BRMS1: variants seen among roughly 807,000 people sequenced by gnomAD.
BRMS1 encodes the protein breast cancer metastasis-suppressor 1.
In BRMS1, 26 loss-of-function variants were observed where a neutral mutation model predicts 40.4. The observed-to-expected ratio is 0.64, with a 90% CI of 0.47 to 0.89. The LOEUF (loss-of-function observed/expected upper bound fraction) is 0.89, where lower values mean the gene tolerates loss of function less well. Ranked by LOEUF, BRMS1 falls within the 40% of genes least tolerant of loss-of-function variation. BRMS1 has a pLI of 0.00. For missense variants in BRMS1, 289 were observed against 309.4 expected, an observed-to-expected ratio of 0.93 and a Z score of 0.49; for synonymous variants, 103 against 116.0, an observed-to-expected ratio of 0.89 and a Z score of 0.72.
Position 66,341,700 on chromosome 11 carries a change from T to C in BRMS1, c.140-77A>G, listed in dbSNP as rs1855081577. ...CGCATGTGTGCATGTGCGTCCTGCA[T>C]GTGTGTGTGTGCATGCATGCCTGTG... is the stretch of plus-strand genomic sequence containing the variant. On this transcript the variant is annotated intron_variant, in intron 2 of 9. Transcript: ENST00000359957. The surrounding 1 kb of genome is among the most constrained non-coding windows in gnomAD (Gnocchi z 4.9). 7 of 1,160,492 alleles carry C rather than the reference T, an allele frequency of 6.0e-6. No homozygotes were observed. The highest frequency in any genetic ancestry group is 1.5e-5 in the African/African-American group (1 of 66,430). 71.9% of individuals were successfully genotyped at this position (1,160,492 alleles called of 1,614,324 possible). A position where few individuals can be genotyped will look rare whatever the true frequency, so the allele number is the denominator to read the frequency against.
intron 1 of BRMS1, chr11:66,344,645 G>A (rs954325180): frequency 6.6e-6 from 1 of 152,264 alleles, no homozygotes; most frequent in Non-Finnish European, 1.5e-5. Flanking sequence ...GAGCTCACAG[G>A]TGGTAAGGGA....
In BRMS1 at chr11:66,338,781, T is replaced by C. The variant is rs768271926; in HGVS notation, c.633A>G (p.Pro211=). ...KRKKAPLVSG[P]YIVYMLQEID... is the part of the protein sequence containing the mutation. ...TCTCTTGAAGCATGTACACGATGTA[T>C]GGGCCTGTGGTGGGGGTCAAGGAAG... Residue 211 remains proline, a synonymous_variant, in exon 8 of 10, where the codon CCA becomes CCG. Coordinates refer to ENST00000359957, the MANE Select transcript of BRMS1 (RefSeq NM_015399.4). The C allele has an allele frequency of 3.2e-6, 5 of 1,540,768 alleles. No homozygotes were observed. The highest frequency in any genetic ancestry group is 2.0e-5 in the Admixed American group (1 of 49,998).
intron 6 of BRMS1, 130 bp from the exon 7 acceptor site, chr11:66,340,343 T>C: frequency 1.4e-6 from 1 of 727,266 alleles, no homozygotes; most frequent in Non-Finnish European, 2.3e-6. Flanking sequence ...GGGCTTGGGG[T>C]AGAAGCCCCT....
At chr11:66,340,279 C>T in intron 6 of BRMS1, 66 bp from the exon 7 acceptor site, 2 of 1,423,006 alleles carry the variant, frequency 1.4e-6, no homozygotes, top group Non-Finnish European at 2.0e-6. Flanking sequence ...TCTGTAGCCT[C>T]TGCCTCCACC....
In BRMS1 at chr11:66,341,912, CG is replaced by C; in HGVS notation, c.139+183del. On this transcript the variant is annotated intron_variant, in intron 2 of 9. Coordinates refer to ENST00000359957, the MANE Select transcript of BRMS1 (RefSeq NM_015399.4). This position sits in a 1 kb window ranked among gnomAD's most constrained non-coding sequence, Gnocchi z 4.9. ...TGCTTGTGTGTAGGGGCTGTGTGTG[CG>C]TGCTTGTGTGTAGGGGCTGTGTGTG... The C allele has an allele frequency of 1.5e-6, 1 of 676,074 alleles. No individual in the cohort carries two copies. The highest frequency in any genetic ancestry group is 2.5e-6 in the Non-Finnish European group (1 of 400,328). The allele number at this position is 676,074 out of a possible 1,614,324, so 41.9% of individuals were successfully genotyped here. A position where few individuals can be genotyped will look rare whatever the true frequency, so the allele number is the denominator to read the frequency against.
chr11:66,338,873 G>A (rs917662995), intron 7 of BRMS1, 88 bp from the exon 8 acceptor site: 18 of 1,331,276 alleles, frequency 1.4e-5, no homozygotes, highest in South Asian at 4.3e-5. Context: ...GGGGTACAGC[G>A]GACAGCATGG....
At chr11:66,340,702 C>A in intron 6 of BRMS1, 72 bp downstream of exon 6, 1 of 1,334,258 alleles carries the variant, frequency 7.5e-7, no homozygotes, top group East Asian at 2.5e-5. Flanking sequence ...TTCAGGACAT[C>A]TGAAGCCCAA....
At chr11:66,339,981 G>C (rs1855028179) in intron 7 of BRMS1, 140 bp downstream of exon 7, 1 of 648,332 alleles carries the variant, frequency 1.5e-6, no homozygotes, top group Middle Eastern at 2.5e-4. Context: ...GGATTTGCCT[G>C]GACATATTCA....
chr11:66,338,562 G>C (rs987222178), intron 8 of BRMS1, 159 bp downstream of exon 8: 1 of 1,544,210 alleles, frequency 6.5e-7, no homozygotes, highest in African/African-American at 1.4e-5. Flanking sequence ...GCCGCCTTGA[G>C]CAAGAGGACT....
intron 6 of BRMS1, 38 bp downstream of exon 6, chr11:66,340,736 G>T: frequency 6.4e-7 from 1 of 1,552,002 alleles, no homozygotes; most frequent in East Asian, 2.3e-5. Flanking sequence ...TGGACTGAGC[G>T]GGGCCCAGTT....
In BRMS1 at chr11:66,337,896, A is replaced by T. The variant is rs1373042591; in HGVS notation, c.734-7T>A. 1.2e-6 allele frequency: 2 copies of T among 1,603,046 alleles called. No individual in the cohort carries two copies. The highest frequency in any genetic ancestry group is 1.7e-6 in the Non-Finnish European group (2 of 1,173,314). On this transcript the variant is annotated splice_region_variant and splice_polypyrimidine_tract_variant and intron_variant, in intron 9 of 9. Coordinates refer to ENST00000359957, the MANE Select transcript of BRMS1 (RefSeq NM_015399.4). Reference sequence around the variant, plus strand: ...GAACAGCAGGGTCAAGGTCCTGTGCATATGTGGGAAGAAGAAAACTGTCAC... The same window carrying T: ...GAACAGCAGGGTCAAGGTCCTGTGCTTATGTGGGAAGAAGAAAACTGTCAC...
At chr11:66,343,198 G>A (rs1034526981) in intron 1 of BRMS1, among the ~76,000 whole-genome samples, 9 of 152,170 alleles carry the variant, frequency 5.9e-5, no homozygotes, top group African/African-American at 9.7e-5. Context: ...CCACTTGTTC[G>A]ATGTCCTCAA....
In BRMS1 at chr11:66,340,173, C is replaced by T. The variant is rs752604361; in HGVS notation, c.576G>A (p.Arg192=). 6.2e-7 allele frequency: 1 copy of T among 1,613,720 alleles called. No homozygotes were observed. Among genetic ancestry groups the T allele is most frequent in the African/African-American group, 1.3e-5 (1 of 74,922 alleles). Residue 192 remains arginine, a synonymous_variant, in exon 7 of 10, where the codon AGG becomes AGA. Coordinates refer to ENST00000359957, the MANE Select transcript of BRMS1 (RefSeq NM_015399.4). ...TGCTGGGCGGCAGGGAGTCCCAAGA[C>T]CTGGAGCTGCCTCTGGCGTGCAGTT... is the stretch of plus-strand genomic sequence containing the variant. ...DDKLHARGSS[R]SWDSLPPSKR...
chr11:66,338,690 G>T, intron 8 of BRMS1, 31 bp downstream of exon 8: 1 of 1,613,288 alleles, frequency 6.2e-7, no homozygotes, highest in Non-Finnish European at 8.5e-7. Context: ...CCTGAGGTGG[G>T]GCAGGTCACG....
At position 66,340,870 on chromosome 11, in the gene BRMS1, T is replaced by C. The variant is rs1287724284; in HGVS notation, c.439A>G (p.Ser147Gly). ...ELQGAKQHLE[S>G]EKLLLYDTLQ... ...GTGTCATAGAGCAGCAGCTTCTCACTCTGGAAGAGGGGGCAATAGCTCAGC... is the reference window on the plus strand; with the variant it reads ...GTGTCATAGAGCAGCAGCTTCTCACCCTGGAAGAGGGGGCAATAGCTCAGC... The change falls in exon 6 of 10, where the codon AGT becomes GGT. Residue 147 changes from serine (S) to glycine (G), a missense_variant and splice_region_variant. By Grantham distance (56) the Ser-to-Gly change is moderately conservative. Transcript: ENST00000359957. The C allele has an allele frequency of 6.2e-7, 1 of 1,613,962 alleles. No homozygotes were observed. Among genetic ancestry groups the C allele is most frequent in the Non-Finnish European group, 8.5e-7 (1 of 1,179,958 alleles).
At chr11:66,338,808 C>T in intron 7 of BRMS1, 23 bp from the exon 8 acceptor site, 1 of 1,520,598 alleles carries the variant, frequency 6.6e-7, no homozygotes, top group Non-Finnish European at 8.8e-7. Context: ...TCAAGGAAGC[C>T]TAGTGGAGGT....
chr11:66,340,993 G>A lies in BRMS1; in HGVS notation c.412C>T (p.Leu138=). ...DVIRNKYECE[L]QGAKQHLESE... is the part of the protein sequence containing the mutation. ...TCCAGGTGCTGTTTGGCTCCCTGCA[G>A]CTCACATTCGTACTTATTCCTGATC... Residue 138 remains leucine (L), a synonymous_variant, in exon 5 of 10, where the codon CTG becomes TTG. Transcript: ENST00000359957. 6.2e-7 allele frequency: 1 copy of A among 1,614,150 alleles called. No individual in the cohort carries two copies. The highest frequency in any genetic ancestry group is 8.5e-7 in the Non-Finnish European group (1 of 1,180,034).
At position 66,342,230 on chromosome 11, in the gene BRMS1, G is replaced by C. The variant is rs377244043; in HGVS notation, c.5C>G (p.Pro2Arg). ...TGTGTCTTTGCTTGGAGGCTGGACA[G>C]GCATCTGGACTCTGGGAGAAGGAAT... M[P>R]VQPPSKDTEE... Residue 2 changes from proline (P) to arginine (R), a missense_variant, in exon 2 of 10, where the codon CCT becomes CGT. Physicochemically the swap from Pro to Arg is moderately radical, Grantham distance 103 (BLOSUM62 -2). Coordinates refer to ENST00000359957, the MANE Select transcript of BRMS1 (RefSeq NM_015399.4). 2.1e-5 allele frequency: 34 copies of C among 1,612,902 alleles called. No individual in the cohort carries two copies. The highest frequency in any genetic ancestry group is 2.7e-5 in the Non-Finnish European group (32 of 1,179,982).
chr11:66,338,736 C>T lies in BRMS1; in HGVS notation c.678G>A (p.Trp226Ter). The T allele has an allele frequency of 6.2e-7, 1 of 1,603,026 alleles. No homozygotes were observed. The highest frequency in any genetic ancestry group is 8.5e-7 in the Non-Finnish European group (1 of 1,173,640). ...CGGCCCCCACCTTTTTGATGGCTGT[C>T]CAGTCCTCCAGGATGTCGATCTCTT... is the stretch of plus-strand genomic sequence containing the variant. ...MLQEIDILED[W>*]TAIKKARAAV... The change falls in exon 8 of 10, where the codon TGG becomes TGA. Residue 226 changes from tryptophan to a stop codon, truncating the protein, a stop_gained. Transcript: ENST00000359957. LOFTEE classifies it high-confidence loss of function.
Sources: allele counts gnomAD v4.1 joint callset (sites outside exome capture counted in the v4.1 genomes callset), GRCh38; gene constraint gnomAD v4.1.1; non-coding constraint Gnocchi (gnomAD v3.1); transcripts MANE v1.5; gene names NCBI Gene and HGNC (gene_info 2026-07-23, HGNC 2026-07-21).